The following ITSN2 variants were observed in gnomAD, a reference collection of about 807,000 sequenced individuals.
ITSN2 encodes the protein intersectin 2.
ITSN2 carries 156 observed loss-of-function variants against 243.7 expected under a neutral mutation model. That is an observed-to-expected ratio of 0.64 (90% CI 0.56 to 0.73). ITSN2 has a LOEUF of 0.73. Among genes scored for constraint, ITSN2 ranks in the 30% least tolerant of loss-of-function variants. The probability of loss-of-function intolerance (pLI) is 0.00; values close to 1 mark genes in which losing one functional copy is unlikely to be tolerated. For synonymous variants in ITSN2, 703 were observed against 699.9 expected (o/e 1.00, Z -0.07); for missense variants, 1,801 against 1,996.1 (o/e 0.90, Z 1.86).
intron 12 of ITSN2, among the ~76,000 whole-genome samples, chr2:24,299,075 G>C (rs1016773041): frequency 2.7e-5 from 4 of 147,358 alleles, no homozygotes; most frequent in Admixed American, 6.8e-5. Flanking sequence ...TGTCACCCAG[G>C]CTGGAGTGCA....
chr2:24,357,750 C>T (rs1413640126), intron 1 of ITSN2, among the ~76,000 whole-genome samples: 1 of 152,120 alleles, frequency 6.6e-6, no homozygotes, highest in Non-Finnish European at 1.5e-5. Flanking sequence ...AAATATATCA[C>T]ATTTTTGGTA....
intron 19 of ITSN2, among the ~76,000 whole-genome samples, chr2:24,271,013 C>T (rs1677271092): frequency 6.6e-6 from 1 of 152,098 alleles, no homozygotes; most frequent in Non-Finnish European, 1.5e-5. Flanking sequence ...CGGGATGAAG[C>T]ACACACATGG....
At chr2:24,296,977 C>G (rs1681045256) in intron 13 of ITSN2, among the ~76,000 whole-genome samples, 1 of 152,060 alleles carries the variant, frequency 6.6e-6, no homozygotes, top group Non-Finnish European at 1.5e-5. Flanking sequence ...ATGTGTTGCA[C>G]CAGTTCTTGA....
At chr2:24,311,087 ATTC>A (rs758922765) in intron 5 of ITSN2, among the ~76,000 whole-genome samples, 19 of 151,860 alleles carry the variant, frequency 1.3e-4, no homozygotes, top group Admixed American at 3.9e-4. Flanking sequence ...ACACACACAC[ATTC>A]TTCTTCTCTC....
chr2:24,283,166 G>A (rs1679035444), intron 17 of ITSN2, among the ~76,000 whole-genome samples: 1 of 152,014 alleles, frequency 6.6e-6, no homozygotes, highest in Non-Finnish European at 1.5e-5. Context: ...CAAGTGAAAT[G>A]GCACTTTTAG....
chr2:24,228,233 T>TA (rs1453634595), intron 29 of ITSN2, among the ~76,000 whole-genome samples: 1 of 151,592 alleles, frequency 6.6e-6, no homozygotes, highest in Non-Finnish European at 1.5e-5. Flanking sequence ...GAGAAAAAAA[T>TA]AACTGTCCAG....
chr2:24,260,391 T>C (rs1675667835), intron 22 of ITSN2, among the ~76,000 whole-genome samples: 1 of 151,862 alleles, frequency 6.6e-6, no homozygotes, highest in African/African-American at 2.4e-5. Flanking sequence ...TGTAACCCTA[T>C]TGCAATAGTT....
At chr2:24,208,958 G>T in intron 36 of ITSN2, 142 bp downstream of exon 36, 1 of 850,232 alleles carries the variant, frequency 1.2e-6, no homozygotes, top group Non-Finnish European at 1.8e-6. Flanking sequence ...CCATGGGACT[G>T]GAGCAGAGGG....
intron 1 of ITSN2, among the ~76,000 whole-genome samples, chr2:24,343,698 C>T (rs1687268509): frequency 6.6e-6 from 1 of 152,178 alleles, no homozygotes; most frequent in South Asian, 2.1e-4. Context: ...TCTCTCAATA[C>T]AGGCTGATAG....
intron 7 of ITSN2, 94 bp from the exon 8 acceptor site, chr2:24,308,850 A>T (rs570320226): frequency 3.9e-5 from 32 of 830,534 alleles, no homozygotes; most frequent in Non-Finnish European, 5.6e-5. Flanking sequence ...CTTATATACC[A>T]GGGGTCCTGA....
chr2:24,254,444 T>A lies in ITSN2; in HGVS notation c.2889-13A>T, dbSNP rs771818012. ...CAAAGCTTCTGGTCTACCAAATATA[T>A]AAACAAACAAACAAACAAACAAACA... On this transcript the variant is annotated splice_polypyrimidine_tract_variant and intron_variant, in intron 23 of 39. Coordinates refer to ENST00000355123, the MANE Select transcript of ITSN2 (RefSeq NM_006277.3). 1 of 1,588,460 alleles carries A rather than the reference T, an allele frequency of 6.3e-7. No homozygotes were observed. Among genetic ancestry groups the A allele is most frequent in the Non-Finnish European group, 8.6e-7 (1 of 1,157,756 alleles).
chr2:24,210,895 G>A lies in ITSN2; in HGVS notation c.4142C>T (p.Ala1381Val). 2 of 1,614,166 alleles carry A rather than the reference G, an allele frequency of 1.2e-6. No homozygotes were observed. The highest frequency in any genetic ancestry group is 1.1e-5 in the South Asian group (1 of 91,082). ...SHADHSSLKL[A>V]LERAEELCSQ... ...GCACAGCTCCTCTGCCCGCTCGAGGGCCAGCTTTAGGGAGGAATGGTCTGC... is the reference window on the plus strand; with the variant it reads ...GCACAGCTCCTCTGCCCGCTCGAGGACCAGCTTTAGGGAGGAATGGTCTGC... The change falls in exon 34 of 40, where the codon GCC (alanine) becomes GTC (valine). Residue 1381 changes from alanine to valine, a missense_variant. Around this residue, in one of 5 missense-constraint regions of ITSN2, gnomAD observed 928 missense variants for 1,065.4 expected, o/e 0.87. Transcript: ENST00000355123.
In ITSN2 at chr2:24,246,288, CT is replaced by C; in HGVS notation, c.3417del (p.Ala1140GlnfsTer18). On this transcript the variant is annotated frameshift_variant, in exon 29 of 40. Coordinates refer to ENST00000355123, the MANE Select transcript of ITSN2 (RefSeq NM_006277.3). LOFTEE classifies it high-confidence loss of function. ...VCQVIAMYDY[A>X]ANNEDELSFS... ...AAACTGAGCTCATCTTCATTATTTG[CT>C]GCATAGTCATACATAGCAATCACCT... 6.2e-7 allele frequency: 1 copy of C among 1,611,392 alleles called. No individual in the cohort carries two copies. The highest frequency in any genetic ancestry group is 1.1e-5 in the South Asian group (1 of 90,942).
intron 4 of ITSN2, 51 bp downstream of exon 4, chr2:24,313,408 CA>C: frequency 6.7e-7 from 1 of 1,492,592 alleles, no homozygotes; most frequent in Non-Finnish European, 9.2e-7. Flanking sequence ...CACTATATTA[CA>C]AAAAAACAAA....
rs563519432 is a variant in ITSN2, at chr2:24,242,536, C to A, written c.3577+3593G>T. On this transcript the variant is annotated intron_variant, in intron 29 of 39. Transcript: ENST00000355123. Reference sequence around the variant, plus strand: ...GGATTAAGCATTTTCTGAACCATATCCTATTAAAATTATAGGTTTATATAA... The same window carrying A: ...GGATTAAGCATTTTCTGAACCATATACTATTAAAATTATAGGTTTATATAA... 1.6e-4 allele frequency among the ~76,000 whole-genome samples: 24 copies of A among 152,024 alleles called. No homozygotes were observed. The East Asian group carries it at 4.4e-3, about 28-fold the overall frequency.
chr2:24,338,748 T>C (rs1686727359), intron 1 of ITSN2, among the ~76,000 whole-genome samples: 1 of 151,818 alleles, frequency 6.6e-6, no homozygotes, highest in Admixed American at 6.6e-5. Flanking sequence ...TCCCAACAAC[T>C]CAAGAGACTA....
Position 24,343,087 on chromosome 2 carries a change from T to C in ITSN2, c.-33-14972A>G, listed in dbSNP as rs993469525. 5.0e-4 allele frequency among the ~76,000 whole-genome samples: 66 copies of C among 130,866 alleles called. 1 individual carries two copies. The highest frequency in any genetic ancestry group is 1.5e-3 in the African/African-American group (52 of 34,250). 85.9% of individuals were successfully genotyped at this position (130,866 alleles called of 152,430 possible). On this transcript the variant is annotated intron_variant, in intron 1 of 39. Coordinates refer to ENST00000355123, the MANE Select transcript of ITSN2 (RefSeq NM_006277.3). Reference sequence around the variant, plus strand: ...GCCTGAGTAACAGAGTGAGACCCCATCTCAAAAAAAAAAAAAAAAGTGAAA... The same window carrying C: ...GCCTGAGTAACAGAGTGAGACCCCACCTCAAAAAAAAAAAAAAAAGTGAAA...
chr2:24,251,226 A>G (rs950913077), intron 25 of ITSN2, among the ~76,000 whole-genome samples: 1 of 145,928 alleles, frequency 6.9e-6, no homozygotes, highest in Non-Finnish European at 1.5e-5. Flanking sequence ...TCAAGGGGCT[A>G]AGGCACGAGA....
At chr2:24,327,998 CAAA>C (rs60863260) in intron 2 of ITSN2, 51 bp downstream of exon 2, 3,489 of 1,224,644 alleles carry the variant, frequency 2.8e-3, no homozygotes, top group South Asian at 5.1e-3. Flanking sequence ...AAACCTCTAC[CAAA>C]AAAAAAAAAA....
Sources: allele counts gnomAD v4.1 joint callset (sites outside exome capture counted in the v4.1 genomes callset), GRCh38; gene constraint gnomAD v4.1.1; regional missense constraint gnomAD v4.1.1; transcripts MANE v1.5; gene names NCBI Gene and HGNC (gene_info 2026-07-23, HGNC 2026-07-21).